The following TNFSF8 variants were observed in gnomAD, a reference collection of about 807,000 sequenced individuals.
TNFSF8 encodes TNF superfamily member 8, also known as tumor necrosis factor ligand superfamily member 8.
TNFSF8 carries 4 observed loss-of-function variants against 22.0 expected under a neutral mutation model. The observed-to-expected ratio is 0.18, with a 90% CI of 0.09 to 0.42. The LOEUF is 0.42. Among genes scored for constraint, TNFSF8 ranks in the 10% least tolerant of loss-of-function variants. The probability of loss-of-function intolerance (pLI) is 1.00; values close to 1 mark genes in which losing one functional copy is unlikely to be tolerated. For missense variants in TNFSF8, 233 were observed against 281.8 expected (o/e 0.83, Z 1.24); for synonymous variants, 106 against 112.5 (o/e 0.94, Z 0.37).
chr9:114,930,135 T>C lies in TNFSF8; in HGVS notation c.169A>G (p.Ile57Val), dbSNP rs1587943366. 6 of 1,573,286 alleles carry C rather than the reference T, an allele frequency of 3.8e-6. No homozygotes were observed. Among genetic ancestry groups the C allele is most frequent in the Non-Finnish European group, 5.2e-6 (6 of 1,160,150 alleles). The change falls in exon 1 of 4, where the codon ATT becomes GTT. Residue 57 changes from isoleucine to valine, a missense_variant. By Grantham distance (29) the Ile-to-Val change is conservative. Coordinates refer to ENST00000223795, the MANE Select transcript of TNFSF8 (RefSeq NM_001244.4). ...ALCLVFTVAT[I>V]MVLVVQRTDS... ...GTCCTCTGAACGACCAACACCATAA[T>C]AGTGGCCACCGTGAAGACAAGGCAC...
At chr9:114,905,944 G>T in intron 2 of TNFSF8, 45 bp from the exon 3 acceptor site, 1 of 1,364,730 alleles carries the variant, frequency 7.3e-7, no homozygotes, top group Non-Finnish European at 1.0e-6. Context: ...TTGCCGTTTT[G>T]GGATCTGGAA....
chr9:114,925,563 C>T (rs1051667530), intron 1 of TNFSF8, among the ~76,000 whole-genome samples: 1 of 152,124 alleles, frequency 6.6e-6, no homozygotes, highest in African/African-American at 2.4e-5. Context: ...CCCTACACTT[C>T]TATTTTGTAT....
chr9:114,896,688 T>C (rs1827658191), downstream of TNFSF8, among the ~76,000 whole-genome samples: 1 of 152,184 alleles, frequency 6.6e-6, no homozygotes, highest in African/African-American at 2.4e-5. Flanking sequence ...ACAAAATGAC[T>C]AGAATAGCAT....
chr9:114,930,366 A>C lies in TNFSF8; in HGVS notation c.-63T>G. 1 of 1,280,330 alleles carries C rather than the reference A, an allele frequency of 7.8e-7. No homozygotes were observed. Among genetic ancestry groups the C allele is most frequent in the Non-Finnish European group, 1.0e-6 (1 of 980,850 alleles). 79.3% of individuals were successfully genotyped at this position (1,280,330 alleles called of 1,614,324 possible). A position where few individuals can be genotyped will look rare whatever the true frequency, so the allele number is the denominator to read the frequency against. ...CTTCATCTGATTCAGTTCTGGGCCCATCTCTGTTCCAAGAAGGATTCTCCC... is the reference window on the plus strand; with the variant it reads ...CTTCATCTGATTCAGTTCTGGGCCCCTCTCTGTTCCAAGAAGGATTCTCCC... On this transcript the variant is annotated 5_prime_UTR_variant, in exon 1 of 4. The change abolishes an upstream ATG in the 5' untranslated region. Transcript: ENST00000223795.
chr9:114,921,047 A>G (rs1827982257), intron 1 of TNFSF8, among the ~76,000 whole-genome samples: 1 of 152,214 alleles, frequency 6.6e-6, no homozygotes, highest in Non-Finnish European at 1.5e-5. Context: ...CACAGCTGTG[A>G]GAAGTAATAT....
intron 2 of TNFSF8, among the ~76,000 whole-genome samples, chr9:114,909,522 A>T (rs1827827371): frequency 6.6e-6 from 1 of 152,236 alleles, no homozygotes; most frequent in African/African-American, 2.4e-5. Context: ...TTGGCATTAA[A>T]AGCAATAACA....
intron 2 of TNFSF8, among the ~76,000 whole-genome samples, chr9:114,912,131 C>T (rs769651846): frequency 1.6e-4 from 25 of 152,308 alleles, no homozygotes; most frequent in Non-Finnish European, 3.5e-4. Context: ...TTGCAAAAAT[C>T]ATGCAGCCTC....
chr9:114,895,299 A>G (rs1466313969), intron 4 of TNFSF8, among the ~76,000 whole-genome samples: 1 of 152,224 alleles, frequency 6.6e-6, no homozygotes, highest in Non-Finnish European at 1.5e-5. Context: ...GCTCATTTCT[A>G]AGTGAGAAAA....
In TNFSF8 at chr9:114,902,699, G is replaced by A; in HGVS notation, c.*1232C>T. On this transcript the variant is annotated 3_prime_UTR_variant, in exon 4 of 4. Transcript: ENST00000223795. ...TACTGGGGTAGGGGGGCCTTATTTT[G>A]GTTGGAGAGCTTCCAAAATTGTGTC... is the stretch of plus-strand genomic sequence containing the variant. The A allele has an allele frequency of 1.0e-6, 1 of 985,400 alleles. No homozygotes were observed. The highest frequency in any genetic ancestry group is 1.2e-6 in the Non-Finnish European group (1 of 829,944). The allele number at this position is 985,400 out of a possible 1,614,324, so 61.0% of individuals were successfully genotyped here.
At chr9:114,899,353 T>TTA (rs1564366035), downstream of TNFSF8, among the ~76,000 whole-genome samples, 5 of 151,452 alleles carry the variant, frequency 3.3e-5, no homozygotes, top group African/African-American at 1.2e-4. Flanking sequence ...TTATTTTTTT[T>TTA]TTTTTTTCTT....
At chr9:114,929,375 T>G (rs1828107009) in intron 1 of TNFSF8, among the ~76,000 whole-genome samples, 1 of 149,296 alleles carries the variant, frequency 6.7e-6, no homozygotes, top group African/African-American at 2.5e-5. Context: ...TTTTTTTTTG[T>G]GACGCCCTAA....
At chr9:114,914,916 G>A (rs897168652) in intron 2 of TNFSF8, among the ~76,000 whole-genome samples, 1 of 152,146 alleles carries the variant, frequency 6.6e-6, no homozygotes. Context: ...CCTCTGTAGC[G>A]AAGTGTATCC....
chr9:114,898,509 G>C (rs1827680687), downstream of TNFSF8, among the ~76,000 whole-genome samples: 1 of 152,178 alleles, frequency 6.6e-6, no homozygotes, highest in Non-Finnish European at 1.5e-5. Flanking sequence ...GTGGTGGCTG[G>C]AACTAGGAAA....
chr9:114,924,942 T>A (rs1828038216), intron 1 of TNFSF8, among the ~76,000 whole-genome samples: 1 of 152,208 alleles, frequency 6.6e-6, no homozygotes, highest in Non-Finnish European at 1.5e-5. Context: ...TCTGGATTGC[T>A]AAATGGAATG....
At chr9:114,913,827 C>A (rs1038298844) in intron 2 of TNFSF8, among the ~76,000 whole-genome samples, 2 of 152,206 alleles carry the variant, frequency 1.3e-5, no homozygotes, top group Admixed American at 1.3e-4. Context: ...GAGTGAATTA[C>A]TAAGTACTCA....
chr9:114,898,936 G>A (rs1321072921), downstream of TNFSF8, among the ~76,000 whole-genome samples: 3 of 152,036 alleles, frequency 2.0e-5, no homozygotes, highest in South Asian at 4.1e-4. Context: ...CTGCTGCCGC[G>A]AACAGGAAAC....
chr9:114,904,483 C>T (rs1401854778), intron 3 of TNFSF8, among the ~76,000 whole-genome samples, 158 bp from the exon 4 acceptor site: 1 of 152,226 alleles, frequency 6.6e-6, no homozygotes, highest in Non-Finnish European at 1.5e-5. Flanking sequence ...CTAGAGTCTA[C>T]TTATTACTCA....
chr9:114,898,140 T>C (rs1031776194), downstream of TNFSF8, among the ~76,000 whole-genome samples: 6 of 149,748 alleles, frequency 4.0e-5, no homozygotes, highest in African/African-American at 1.5e-4. Context: ...GTAGCTGTGA[T>C]TACAGGCGCA....
chr9:114,922,833 G>A (rs935160366), intron 1 of TNFSF8, among the ~76,000 whole-genome samples: 4 of 152,128 alleles, frequency 2.6e-5, no homozygotes, highest in Admixed American at 1.3e-4. Flanking sequence ...CAGCATCGGG[G>A]GATTTTGGTA....
Sources: allele counts gnomAD v4.1 joint callset (sites outside exome capture counted in the v4.1 genomes callset), GRCh38; gene constraint gnomAD v4.1.1; transcripts MANE v1.5; gene names NCBI Gene and HGNC (gene_info 2026-07-23, HGNC 2026-07-21).